ADGRA1: variants seen among roughly 807,000 people sequenced by gnomAD.
The protein encoded by ADGRA1 is G-protein coupled receptor 123.
Under a neutral mutation model 21.3 loss-of-function variants are expected in ADGRA1, and 12 were observed. That is an observed-to-expected ratio of 0.56 (90% CI 0.36 to 0.91). The LOEUF (loss-of-function observed/expected upper bound fraction) is 0.91. Among genes scored for constraint, ADGRA1 ranks in the 40% least tolerant of loss-of-function variants. The pLI, the probability that ADGRA1 is intolerant of heterozygous loss-of-function variation, is 0.01. For synonymous variants in ADGRA1, 385 were observed against 368.8 expected, an observed-to-expected ratio of 1.04 and a Z score of -0.50; for missense variants, 790 against 805.6, an observed-to-expected ratio of 0.98 and a Z score of 0.23.
In ADGRA1 at chr10:133,131,187, C is replaced by A. The variant is rs373670806; in HGVS notation, c.*1676C>A. 6.6e-5 allele frequency: 10 copies of A among 152,240 alleles called. No individual in the cohort carries two copies. The highest frequency in any genetic ancestry group is 1.3e-4 in the Non-Finnish European group (9 of 68,052). 9.4% of individuals were successfully genotyped at this position (152,240 alleles called of 1,614,324 possible). A position where few individuals can be genotyped will look rare whatever the true frequency, so the allele number is the denominator to read the frequency against. The stretch of plus-strand genomic sequence containing the variant: ...CAGTATCTGAGTATGAGGAGCCTCA[C>A]TTCCCGGGGTGTCGGTAAACTTGAC... On this transcript the variant is annotated 3_prime_UTR_variant, in exon 7 of 7. Transcript: ENST00000392607.
In ADGRA1 at chr10:133,128,412, T is replaced by C; in HGVS notation, c.584T>C (p.Leu195Pro). ...IITLVTCVYF[L>P]GTYVQLRRHP... Reference sequence around the variant, plus strand: ...ACCCTGGTCACCTGTGTGTACTTCCTGGGCACCTACGTGCAGCTGCGGCGC... The same window carrying C: ...ACCCTGGTCACCTGTGTGTACTTCCCGGGCACCTACGTGCAGCTGCGGCGC... The change falls in exon 7 of 7, where the codon CTG becomes CCG. Residue 195 changes from leucine to proline, a missense_variant. By Grantham distance (98) the Leu-to-Pro change is moderately conservative (BLOSUM62 -3). Coordinates refer to ENST00000392607, the MANE Select transcript of ADGRA1 (RefSeq NM_001083909.3). The C allele has an allele frequency of 6.2e-7, 1 of 1,607,426 alleles. No homozygotes were observed. The highest frequency in any genetic ancestry group is 2.2e-5 in the East Asian group (1 of 44,562).
intron 5 of ADGRA1, among the ~76,000 whole-genome samples, chr10:133,111,534 A>C (rs12256376): frequency 7.4e-3 from 42 of 5,690 alleles, no homozygotes; most frequent in Admixed American, 0.054. Flanking sequence ...TCCTAATCCC[A>C]CCAGACAACC....
chr10:133,108,266 G>A (rs1851927757), intron 5 of ADGRA1, among the ~76,000 whole-genome samples: 1 of 152,258 alleles, frequency 6.6e-6, no homozygotes, highest in Non-Finnish European at 1.5e-5. Flanking sequence ...GGGGCCTCCT[G>A]TGGGTGAGAA....
In ADGRA1 at chr10:133,128,432, C is replaced by G; in HGVS notation, c.604C>G (p.Arg202Gly). Residue 202 changes from arginine (R) to glycine (G), a missense_variant, in exon 7 of 7, where the codon CGG (arginine) becomes GGG (glycine). By Grantham distance (125) the Arg-to-Gly change is moderately radical. Around this residue, in one of 3 missense-constraint regions of ADGRA1, gnomAD observed 382 missense variants for 415.6 expected, o/e 0.92. Coordinates refer to ENST00000392607, the MANE Select transcript of ADGRA1 (RefSeq NM_001083909.3). Reference protein sequence around the residue: ...VYFLGTYVQLRRHPGRRYELR... With the variant: ...VYFLGTYVQLGRHPGRRYELR... ...CTTCCTGGGCACCTACGTGCAGCTG[C>G]GGCGCCACCCAGGGCGCAGGTACGA... The G allele has an allele frequency of 6.2e-7, 1 of 1,605,248 alleles. No individual in the cohort carries two copies. The highest frequency in any genetic ancestry group is 2.3e-5 in the East Asian group (1 of 44,310).
intron 2 of ADGRA1, among the ~76,000 whole-genome samples, chr10:133,093,413 G>A (rs1851636788): frequency 6.6e-6 from 1 of 152,214 alleles, no homozygotes; most frequent in Admixed American, 6.5e-5. Flanking sequence ...AACAGAGGAG[G>A]AAGTTATGAC....
chr10:133,103,536 G>A (rs1385043271), intron 5 of ADGRA1, among the ~76,000 whole-genome samples: 1 of 152,230 alleles, frequency 6.6e-6, no homozygotes, highest in African/African-American at 2.4e-5. Flanking sequence ...CTCAGGCTGG[G>A]AATGCACCGT....
rs373068352 is a variant in ADGRA1, at chr10:133,097,281, G to A, written c.131+180G>A. On this transcript the variant is annotated intron_variant, in intron 3 of 6. Coordinates refer to ENST00000392607, the MANE Select transcript of ADGRA1 (RefSeq NM_001083909.3). The stretch of plus-strand genomic sequence containing the variant: ...GCAGCCTGGTGCCCATCACACAGCC[G>A]AAGGGTGGATGGAGCTCAGGGAAGC... Among the ~76,000 whole-genome samples, 395 of 152,338 alleles carry A rather than the reference G, an allele frequency of 2.6e-3. 2 individuals carry two copies. The highest frequency in any genetic ancestry group is 4.1e-3 in the African/African-American group (170 of 41,578).
intron 5 of ADGRA1, among the ~76,000 whole-genome samples, chr10:133,119,100 C>G (rs1369538134): frequency 3.3e-5 from 5 of 152,214 alleles, no homozygotes; most frequent in African/African-American, 1.2e-4. Flanking sequence ...TCACATCACA[C>G]TTGCACGCAC....
chr10:133,116,259 C>T (rs1272549541), intron 5 of ADGRA1, among the ~76,000 whole-genome samples: 6 of 152,170 alleles, frequency 3.9e-5, no homozygotes, highest in South Asian at 2.1e-4. Flanking sequence ...CGAGCTGATC[C>T]GCAGGGCCTG....
chr10:133,096,945 C>T, intron 2 of ADGRA1, 29 bp from the exon 3 acceptor site: 1 of 1,594,486 alleles, frequency 6.3e-7, no homozygotes, highest in Non-Finnish European at 8.6e-7. Flanking sequence ...ACCAGCCAGT[C>T]ACACACGTCT....
At chr10:133,102,937 A>T in intron 5 of ADGRA1, 95 bp downstream of exon 5, 4 of 1,315,976 alleles carry the variant, frequency 3.0e-6, no homozygotes, top group Non-Finnish European at 3.1e-6. Context: ...CCAGGCCACC[A>T]GGGGCCTGAG....
intron 5 of ADGRA1, among the ~76,000 whole-genome samples, chr10:133,113,444 G>T (rs1462665533): frequency 6.6e-6 from 1 of 152,214 alleles, no homozygotes; most frequent in Non-Finnish European, 1.5e-5. Context: ...GATTTCCTGG[G>T]GCTCCTTCAG....
In ADGRA1 at chr10:133,117,937, G is replaced by C. The variant is rs116520259; in HGVS notation, c.402-9296G>C. Among the ~76,000 whole-genome samples the C allele has an allele frequency of 3.8e-3, 575 of 152,302 alleles. 4 individuals carry two copies. The highest frequency in any genetic ancestry group is 0.013 in the African/African-American group (558 of 41,562). On this transcript the variant is annotated intron_variant, in intron 5 of 6. Transcript: ENST00000392607. ...TTGCCCACGTGCTGGTCGTCCCCCT[G>C]TCTGGGACAGCAGCTGGGGCTGCGG...
chr10:133,118,705 C>T (rs1852200377), intron 5 of ADGRA1, among the ~76,000 whole-genome samples: 1 of 152,192 alleles, frequency 6.6e-6, no homozygotes, highest in Admixed American at 6.5e-5. Flanking sequence ...CTGCCCTCAA[C>T]ACATGGGGAT....
At chr10:133,088,934 G>T in intron 2 of ADGRA1, 22 bp downstream of exon 2, 1 of 1,241,574 alleles carries the variant, frequency 8.1e-7, no homozygotes, top group Non-Finnish European at 1.0e-6. Flanking sequence ...GGTCCCGGGG[G>T]TCCTGCAGCT....
Position 133,129,526 on chromosome 10 carries a change from C to A in ADGRA1, c.*15C>A. On this transcript the variant is annotated 3_prime_UTR_variant, in exon 7 of 7. Coordinates refer to ENST00000392607, the MANE Select transcript of ADGRA1 (RefSeq NM_001083909.3). ...CTACTGTGTAGATGGGGGCAGAGGACACGGTGTTCCTGGAGGAGCTTCAGA... is the reference window on the plus strand; with the variant it reads ...CTACTGTGTAGATGGGGGCAGAGGAAACGGTGTTCCTGGAGGAGCTTCAGA... 1 of 1,566,074 alleles carries A rather than the reference C, an allele frequency of 6.4e-7. No individual in the cohort carries two copies. Among genetic ancestry groups the A allele is most frequent in the South Asian group, 1.2e-5 (1 of 86,410 alleles).
Position 133,129,366 on chromosome 10 carries a change from T to C in ADGRA1, c.1538T>C (p.Met513Thr). 1 of 1,598,830 alleles carries C rather than the reference T, an allele frequency of 6.3e-7. No homozygotes were observed. The highest frequency in any genetic ancestry group is 1.3e-5 in the African/African-American group (1 of 74,700). ...EAALGPGHLE[M>T]LRRTQSLPFG... is the part of the protein sequence containing the mutation. ...GCGCTCGGGCCCGGCCACTTGGAGA[T>C]GCTGCGGAGGACACAGTCCCTGCCC... The change falls in exon 7 of 7, where the codon ATG (methionine) becomes ACG (threonine). Residue 513 changes from methionine (M) to threonine (T), a missense_variant. Coordinates refer to ENST00000392607, the MANE Select transcript of ADGRA1 (RefSeq NM_001083909.3).
intron 2 of ADGRA1, among the ~76,000 whole-genome samples, chr10:133,094,364 C>T (rs1200321290): frequency 6.6e-6 from 1 of 152,322 alleles, no homozygotes; most frequent in East Asian, 1.9e-4. Flanking sequence ...ATGGAGGCAG[C>T]GGGACAGGAC....
In ADGRA1 at chr10:133,088,150, G is replaced by A. The variant is rs1258083215; in HGVS notation, c.-203+12G>A. 1.0e-5 allele frequency: 10 copies of A among 978,260 alleles called. No homozygotes were observed. Among genetic ancestry groups the A allele is most frequent in the Non-Finnish European group, 1.2e-5 (10 of 823,622 alleles). The allele number at this position is 978,260 out of a possible 1,614,324, so 60.6% of individuals were successfully genotyped here. A position where few individuals can be genotyped will look rare whatever the true frequency, so the allele number is the denominator to read the frequency against. ...TTCGGCCACAGCAGGTGGGAAGGAC[G>A]CGCGGGTCTGGGCGGCGGGAGGGAC... On this transcript the variant is annotated intron_variant, in intron 1 of 6. Transcript: ENST00000392607.
Sources: allele counts gnomAD v4.1 joint callset (sites outside exome capture counted in the v4.1 genomes callset), GRCh38; gene constraint gnomAD v4.1.1; regional missense constraint gnomAD v4.1.1; transcripts MANE v1.5; gene names NCBI Gene and HGNC (gene_info 2026-07-23, HGNC 2026-07-21).